MGAT5: variants seen among roughly 807,000 people sequenced by gnomAD.
MGAT5 encodes the protein alpha-1,6-mannosylglycoprotein 6-beta-N-acetylglucosaminyltransferase A.
Under a neutral mutation model 94.3 loss-of-function variants are expected in MGAT5, and 30 were observed. That is an observed-to-expected ratio of 0.32 (90% CI 0.24 to 0.43). The LOEUF (loss-of-function observed/expected upper bound fraction) is 0.43. Ranked by LOEUF, MGAT5 falls within the 20% of genes least tolerant of loss-of-function variation. The pLI is 1.00. For missense variants in MGAT5, 691 were observed against 905.5 expected, an observed-to-expected ratio of 0.76 and a Z score of 3.04; for synonymous variants, 310 against 322.9, an observed-to-expected ratio of 0.96 and a Z score of 0.43.
chr2:134,259,097 G>A (rs941184361), intron 1 of MGAT5, among the ~76,000 whole-genome samples: 2 of 152,242 alleles, frequency 1.3e-5, no homozygotes, highest in African/African-American at 4.8e-5. Flanking sequence ...CTCCCGGGCA[G>A]CCCGTGTGGA....
intron 12 of MGAT5, among the ~76,000 whole-genome samples, chr2:134,418,892 G>C (rs181491951): frequency 7.9e-5 from 12 of 152,324 alleles, no homozygotes; most frequent in Non-Finnish European, 1.0e-4. Context: ...GGACCAGCGA[G>C]CTTGATCTCA....
intron 10 of MGAT5, among the ~76,000 whole-genome samples, chr2:134,398,032 CA>C (rs1682817886): frequency 6.6e-6 from 1 of 152,164 alleles, no homozygotes; most frequent in Non-Finnish European, 1.5e-5. Flanking sequence ...GGCCGATTTC[CA>C]TATTTGTGGG....
At chr2:134,424,712 CAAG>C (rs1337956066) in intron 13 of MGAT5, among the ~76,000 whole-genome samples, 1 of 152,178 alleles carries the variant, frequency 6.6e-6, no homozygotes, top group Non-Finnish European at 1.5e-5. Context: ...GTTCTGGAAG[CAAG>C]AAGTCTGAAG....
chr2:134,151,317 C>T (rs1323428148), intron 1 of MGAT5, among the ~76,000 whole-genome samples: 3 of 145,366 alleles, frequency 2.1e-5, no homozygotes, highest in African/African-American at 7.8e-5. Flanking sequence ...TGGGACCTCA[C>T]TCACCCATGC....
At chr2:134,365,399 A>C (rs915308182) in intron 10 of MGAT5, among the ~76,000 whole-genome samples, 1 of 152,208 alleles carries the variant, frequency 6.6e-6, no homozygotes, top group African/African-American at 2.4e-5. Flanking sequence ...TCTGGCTCAG[A>C]AAACTGAGCT....
chr2:134,187,620 C>G (rs760103161), intron 1 of MGAT5, among the ~76,000 whole-genome samples: 1 of 152,214 alleles, frequency 6.6e-6, no homozygotes, highest in Non-Finnish European at 1.5e-5. Flanking sequence ...CTTTGTCTCT[C>G]CTTCTGGCAT....
intron 1 of MGAT5, among the ~76,000 whole-genome samples, chr2:134,139,123 A>G (rs929135683): frequency 2.6e-5 from 4 of 152,224 alleles, no homozygotes; most frequent in Non-Finnish European, 5.9e-5. Flanking sequence ...AATGTCTACT[A>G]GAGATCTTCT....
intron 1 of MGAT5, among the ~76,000 whole-genome samples, chr2:134,266,160 C>A (rs866921853): frequency 1.3e-3 from 150 of 112,476 alleles, no homozygotes; most frequent in South Asian, 1.5e-3. Flanking sequence ...GACTCCATCT[C>A]AAAAAAAAAA....
intron 8 of MGAT5, among the ~76,000 whole-genome samples, chr2:134,345,481 G>A (rs1033845363): frequency 3.3e-5 from 5 of 152,062 alleles, no homozygotes; most frequent in Non-Finnish European, 5.9e-5. Context: ...CTGGGAATAC[G>A]TTATCTGAAT....
At chr2:134,229,152 AT>A (rs767014654) in intron 1 of MGAT5, among the ~76,000 whole-genome samples, 43 of 152,370 alleles carry the variant, frequency 2.8e-4, no homozygotes, top group Non-Finnish European at 4.0e-4. Context: ...TACAAAAAAA[AT>A]ATCAGGAAAA....
chr2:134,252,541 C>A (rs1682675457), upstream of MGAT5, among the ~76,000 whole-genome samples: 2 of 152,104 alleles, frequency 1.3e-5, no homozygotes, highest in South Asian at 2.1e-4. Flanking sequence ...AGGCTGTGGA[C>A]CACATCTCCT....
At chr2:134,149,996 C>T (rs1206335119) in intron 1 of MGAT5, among the ~76,000 whole-genome samples, 1 of 152,152 alleles carries the variant, frequency 6.6e-6, no homozygotes, top group Non-Finnish European at 1.5e-5. Flanking sequence ...CCTCCAGTTC[C>T]CCACTGGGTG....
chr2:134,237,935 G>A (rs888897691), intron 1 of MGAT5, among the ~76,000 whole-genome samples: 1 of 152,028 alleles, frequency 6.6e-6, no homozygotes, highest in African/African-American at 2.4e-5. Flanking sequence ...ATTTTTAGTA[G>A]AGATGGTGTT....
At chr2:134,329,302 A>G (rs1687816632) in intron 4 of MGAT5, among the ~76,000 whole-genome samples, 1 of 152,102 alleles carries the variant, frequency 6.6e-6, no homozygotes, top group Admixed American at 6.5e-5. Context: ...GAGAGCAAGG[A>G]GAAGCCATTG....
intron 10 of MGAT5, among the ~76,000 whole-genome samples, chr2:134,387,619 G>A (rs113769864): frequency 3.9e-4 from 60 of 152,068 alleles, no homozygotes; most frequent in Middle Eastern, 3.4e-3. Context: ...GCCATTTTCC[G>A]CTAGAAGTTC....
chr2:134,192,200 T>G (rs1229720302), intron 1 of MGAT5, among the ~76,000 whole-genome samples: 1 of 142,274 alleles, frequency 7.0e-6, no homozygotes, highest in Non-Finnish European at 1.5e-5. Flanking sequence ...CCTTTTTTCT[T>G]CTGCTTGCGC....
chr2:134,422,278 G>C (rs1192882144), intron 12 of MGAT5, among the ~76,000 whole-genome samples: 1 of 152,146 alleles, frequency 6.6e-6, no homozygotes, highest in African/African-American at 2.4e-5. Flanking sequence ...GCCATTCCTT[G>C]TTTTTCTGAA....
At chr2:134,389,767 A>G (rs1404669688) in intron 10 of MGAT5, among the ~76,000 whole-genome samples, 2 of 152,220 alleles carry the variant, frequency 1.3e-5, no homozygotes, top group Non-Finnish European at 2.9e-5. Context: ...TCCTTTGGAG[A>G]GAAACTATGT....
intron 1 of MGAT5, among the ~76,000 whole-genome samples, chr2:134,216,648 G>A (rs890723940): frequency 5.9e-5 from 9 of 152,206 alleles, no homozygotes; most frequent in African/African-American, 9.6e-5. Flanking sequence ...ATTCATCCTC[G>A]AGCTGTGTTC....
Sources: gnomAD v4.1 joint callset for allele counts (sites outside exome capture counted in the v4.1 genomes callset) on GRCh38, gnomAD v4.1.1 for gene constraint, MANE v1.5 for transcripts, NCBI Gene and HGNC (gene_info 2026-07-23, HGNC 2026-07-21) for gene names.